CTNNAL1: variants seen among roughly 807,000 people sequenced by gnomAD.
The protein encoded by CTNNAL1 is alpha-catulin.
A neutral mutation model predicts 93.6 loss-of-function variants in CTNNAL1; 69 were observed. That is an observed-to-expected ratio of 0.74 (90% CI 0.61 to 0.90). CTNNAL1 has a LOEUF of 0.90. CTNNAL1 is among the 40% of genes least tolerant of loss of function. The pLI is 0.00. For missense variants in CTNNAL1, 836 were observed against 862.0 expected, an observed-to-expected ratio of 0.97 and a Z score of 0.38; for synonymous variants, 286 against 305.4, an observed-to-expected ratio of 0.94 and a Z score of 0.66.
intron 2 of CTNNAL1, among the ~76,000 whole-genome samples, chr9:108,997,911 A>G (rs1832082435): frequency 6.6e-6 from 1 of 152,142 alleles, no homozygotes; most frequent in Non-Finnish European, 1.5e-5. Context: ...CACCCCCTAA[A>G]ATGTATTTTC....
Position 108,943,252 on chromosome 9 carries a change from A to C in CTNNAL1, c.2056-208T>G, listed in dbSNP as rs1281256400. On this transcript the variant is annotated intron_variant, in intron 17 of 18. Coordinates refer to ENST00000325551, the MANE Select transcript of CTNNAL1 (RefSeq NM_003798.4). ...CTAGATTTCATGTCTATCTCATGGA[A>C]CCCCAGCAGAAAGAGTGGGTGGAAA... 2.6e-5 allele frequency among the ~76,000 whole-genome samples: 4 copies of C among 152,128 alleles called. No homozygotes were observed. The East Asian group carries it at 7.7e-4, about 29-fold the overall frequency.
chr9:108,966,323 T>C (rs1188243640), intron 10 of CTNNAL1, among the ~76,000 whole-genome samples: 1 of 152,216 alleles, frequency 6.6e-6, no homozygotes, highest in African/African-American at 2.4e-5. Context: ...AATAAATTGT[T>C]GCAGAGACTG....
At chr9:108,993,322 G>A (rs1564145136) in intron 2 of CTNNAL1, among the ~76,000 whole-genome samples, 1 of 152,194 alleles carries the variant, frequency 6.6e-6, no homozygotes. Context: ...AGGGCTTTAG[G>A]CCCCAAGGGA....
Position 109,013,292 on chromosome 9 carries a change from G to A in CTNNAL1, c.141+10C>T. ...AAGGAGAAGAGGGGCCGCGCCAGGCGCCACTTTACCTGAGAAACCAGCGGG... is the reference window on the plus strand; with the variant it reads ...AAGGAGAAGAGGGGCCGCGCCAGGCACCACTTTACCTGAGAAACCAGCGGG... On this transcript the variant is annotated intron_variant, in intron 1 of 18. Coordinates refer to ENST00000325551, the MANE Select transcript of CTNNAL1 (RefSeq NM_003798.4). The A allele has an allele frequency of 2.7e-6, 4 of 1,485,604 alleles. No individual in the cohort carries two copies. Among genetic ancestry groups the A allele is most frequent in the Non-Finnish European group, 3.6e-6 (4 of 1,117,392 alleles). The allele number at this position is 1,485,604 out of a possible 1,614,324, so 92.0% of individuals were successfully genotyped here. A position where few individuals can be genotyped will look rare whatever the true frequency, so the allele number is the denominator to read the frequency against.
At chr9:108,953,769 G>A (rs1237881694) in intron 12 of CTNNAL1, among the ~76,000 whole-genome samples, 1 of 152,038 alleles carries the variant, frequency 6.6e-6, no homozygotes, top group African/African-American at 2.4e-5. Context: ...AGGTGAAGTT[G>A]AAGGACAGAA....
intron 10 of CTNNAL1, among the ~76,000 whole-genome samples, chr9:108,967,618 G>T (rs571920816): frequency 2.0e-4 from 31 of 152,302 alleles, no homozygotes; most frequent in African/African-American, 7.5e-4. Flanking sequence ...GAGAATGATG[G>T]AGGGGATTAG....
Position 108,983,279 on chromosome 9 carries a change from T to A in CTNNAL1, c.766A>T (p.Lys256Ter), listed in dbSNP as rs755160373. The A allele has an allele frequency of 1.9e-6, 3 of 1,571,150 alleles. No homozygotes were observed. The highest frequency in any genetic ancestry group is 1.8e-5 in the Admixed American group (1 of 54,578). Residue 256 changes from lysine (K) to a stop codon, truncating the protein, a stop_gained, in exon 6 of 19, where the codon AAA (lysine) becomes TAA (stop). Coordinates refer to ENST00000325551, the MANE Select transcript of CTNNAL1 (RefSeq NM_003798.4). LOFTEE classifies it high-confidence loss of function. Reference sequence around the variant, plus strand: ...CGGTCAAATACTCCTTCTTTGTTTTTATGGGCTGATTCGCAGTTAGGATGC... The same window carrying A: ...CGGTCAAATACTCCTTCTTTGTTTTAATGGGCTGATTCGCAGTTAGGATGC... ...LRHPNCESAHKNKEGVFDRMK... is the reference protein window; with the variant it reads ...LRHPNCESAH
At chr9:109,007,061 A>C (rs1473036373) in intron 1 of CTNNAL1, among the ~76,000 whole-genome samples, 1 of 152,014 alleles carries the variant, frequency 6.6e-6, no homozygotes, top group Non-Finnish European at 1.5e-5. Context: ...TCTACAAAAA[A>C]ACAAACAAAC....
chr9:108,972,864 G>GGGCC, intron 8 of CTNNAL1, 31 bp from the exon 9 acceptor site: 1 of 142,578 alleles, frequency 7.0e-6, no homozygotes, highest in Non-Finnish European at 1.0e-5. Flanking sequence ...GGGGGGGTGG[G>GGGCC]AGGGTGGAGA....
chr9:108,952,331 C>CT lies in CTNNAL1; in HGVS notation c.1712dup (p.Leu572AlafsTer7). On this transcript the variant is annotated frameshift_variant, in exon 14 of 19. Coordinates refer to ENST00000325551, the MANE Select transcript of CTNNAL1 (RefSeq NM_003798.4). LOFTEE classifies it high-confidence loss of function. Reference sequence around the variant, plus strand: ...CAGCGTCAGAGGTGAGCAAACCCAGCTTAAGTCCAAGCTTTGCTATCTTGG... The same window carrying CT: ...CAGCGTCAGAGGTGAGCAAACCCAGCTTTAAGTCCAAGCTTTGCTATCTTGG... The CT allele has an allele frequency of 6.2e-7, 1 of 1,614,208 alleles. No homozygotes were observed.
intron 15 of CTNNAL1, among the ~76,000 whole-genome samples, chr9:108,947,565 A>G (rs967212420): frequency 2.6e-5 from 4 of 152,186 alleles, no homozygotes; most frequent in Non-Finnish European, 4.4e-5. Flanking sequence ...GGGAAAACAT[A>G]AAAGGAATTT....
chr9:108,994,438 G>A (rs888505775), intron 2 of CTNNAL1, among the ~76,000 whole-genome samples: 1 of 152,140 alleles, frequency 6.6e-6, no homozygotes, highest in African/African-American at 2.4e-5. Context: ...AGGAAAGAAC[G>A]AGTAAAAAAA....
intron 10 of CTNNAL1, among the ~76,000 whole-genome samples, chr9:108,968,953 G>A (rs775305909): frequency 5.3e-5 from 8 of 151,874 alleles, no homozygotes; most frequent in Non-Finnish European, 1.0e-4. Context: ...ACTGCAAAAC[G>A]TTATTTTAGA....
intron 12 of CTNNAL1, among the ~76,000 whole-genome samples, chr9:108,952,728 G>A (rs1830598199): frequency 6.6e-6 from 1 of 152,166 alleles, no homozygotes; most frequent in Admixed American, 6.5e-5. Flanking sequence ...TGCCTTCCCT[G>A]CTCTGTGGCC....
At chr9:108,956,349 C>T (rs1830687922) in intron 11 of CTNNAL1, among the ~76,000 whole-genome samples, 2 of 152,180 alleles carry the variant, frequency 1.3e-5, no homozygotes, top group Non-Finnish European at 2.9e-5. Flanking sequence ...TGAATTGACA[C>T]GTCACATGAA....
In CTNNAL1 at chr9:108,942,663, T is replaced by A. The variant is rs1830275035; in HGVS notation, c.*106A>T. Reference sequence around the variant, plus strand: ...AAATAGAGCAAAATTTCAATATTGTTTTCTTTATAAAATTGATGAATTTCT... The same window carrying A: ...AAATAGAGCAAAATTTCAATATTGTATTCTTTATAAAATTGATGAATTTCT... On this transcript the variant is annotated 3_prime_UTR_variant, in exon 19 of 19. Transcript: ENST00000325551. 1 of 828,700 alleles carries A rather than the reference T, an allele frequency of 1.2e-6. No individual in the cohort carries two copies. Among genetic ancestry groups the A allele is most frequent in the South Asian group, 1.7e-5 (1 of 59,146 alleles). The allele number at this position is 828,700 out of a possible 1,614,324, so 51.3% of individuals were successfully genotyped here. A position where few individuals can be genotyped will look rare whatever the true frequency, so the allele number is the denominator to read the frequency against.
chr9:108,979,312 A>G lies in CTNNAL1; in HGVS notation c.1070T>C (p.Leu357Pro), dbSNP rs974368070. 3 of 1,614,074 alleles carry G rather than the reference A, an allele frequency of 1.9e-6. No homozygotes were observed. The highest frequency in any genetic ancestry group is 1.7e-6 in the Non-Finnish European group (2 of 1,180,020). The change falls in exon 7 of 19, where the codon CTG (leucine) becomes CCG (proline). Residue 357 changes from leucine to proline, a missense_variant. Coordinates refer to ENST00000325551, the MANE Select transcript of CTNNAL1 (RefSeq NM_003798.4). Reference sequence around the variant, plus strand: ...AATCCACACAGAAATTAACTGCTGCAGTTCCATTCTCGCCTGAGTTGACAG... The same window carrying G: ...AATCCACACAGAAATTAACTGCTGCGGTTCCATTCTCGCCTGAGTTGACAG... ...LELSTQARME[L>P]QQLISVWIQA...
Position 108,984,548 on chromosome 9 carries a change from G to GAA in CTNNAL1, c.640-114_640-113dup, listed in dbSNP as rs202117651. On this transcript the variant is annotated intron_variant, in intron 4 of 18. Transcript: ENST00000325551. ...CAAGAATTCACTAACATTGTTAAGT[G>GAA]AAAAAAAAAAAAAAACCAGGATAAA... is the stretch of plus-strand genomic sequence containing the variant. 5.3e-3 allele frequency: 1,569 copies of GAA among 293,726 alleles called. 16 individuals carry two copies. The highest frequency in any genetic ancestry group is 0.025 in the African/African-American group (927 of 37,460). The allele number at this position is 293,726 out of a possible 1,614,324, so 18.2% of individuals were successfully genotyped here.
chr9:108,975,628 A>G (rs1186136170), intron 8 of CTNNAL1, among the ~76,000 whole-genome samples: 1 of 152,178 alleles, frequency 6.6e-6, no homozygotes, highest in African/African-American at 2.4e-5. Flanking sequence ...GAAGCTCTAC[A>G]ACTAAATGAA....
Sources: allele counts gnomAD v4.1 joint callset (sites outside exome capture counted in the v4.1 genomes callset), GRCh38; gene constraint gnomAD v4.1.1; transcripts MANE v1.5; gene names NCBI Gene and HGNC (gene_info 2026-07-23, HGNC 2026-07-21).